The following MDGA2 variants were observed in gnomAD, a reference collection of about 807,000 sequenced individuals.
MDGA2 encodes the protein MAM domain containing glycosylphosphatidylinositol anchor 2.
A neutral mutation model predicts 117.8 loss-of-function variants in MDGA2; 40 were observed. The observed-to-expected ratio is 0.34, with a 90% CI of 0.26 to 0.44. MDGA2 has a LOEUF of 0.44. Among genes scored for constraint, MDGA2 ranks in the 20% least tolerant of loss-of-function variants. MDGA2 has a pLI of 1.00. For missense variants in MDGA2, 1,123 were observed against 1,250.6 expected (o/e 0.90, Z 1.54); for synonymous variants, 452 against 439.0 (o/e 1.03, Z -0.37).
intron 8 of MDGA2, among the ~76,000 whole-genome samples, chr14:46,992,392 G>C (rs1461559813): frequency 5.9e-5 from 9 of 152,008 alleles, no homozygotes; most frequent in Admixed American, 5.3e-4. Flanking sequence ...CCATTCAAGT[G>C]ATTAGTTAAG....
intron 1 of MDGA2, among the ~76,000 whole-genome samples, chr14:47,418,901 T>C (rs7152765): frequency 0.65 from 98,174 of 151,994 alleles, 31,867 homozygotes; most frequent in Middle Eastern, 0.74. Flanking sequence ...GATACTACTA[T>C]AAGTACTCTA....
intron 12 of MDGA2, among the ~76,000 whole-genome samples, chr14:46,875,505 A>G (rs1027141535): frequency 6.6e-5 from 10 of 151,722 alleles, no homozygotes; most frequent in African/African-American, 2.4e-4. Context: ...AAATAACTCA[A>G]TAAATTTCTG....
chr14:47,612,209 CAGATAGAT>C lies in MDGA2; in HGVS notation c.280+62300_280+62307del, dbSNP rs3985115. Among the ~76,000 whole-genome samples the C allele has an allele frequency of 6.2e-3, 900 of 145,806 alleles. 4 individuals carry two copies. The highest frequency in any genetic ancestry group is 0.013 in the Admixed American group (183 of 14,374). ...CAAATGTGATAGATAGATAGATAGA[CAGATAGAT>C]AGATAGATAGATAGATAGATAGATA... On this transcript the variant is annotated intron_variant, in intron 1 of 16. Coordinates refer to ENST00000399232, the MANE Select transcript of MDGA2 (RefSeq NM_001113498.3).
intron 9 of MDGA2, among the ~76,000 whole-genome samples, chr14:46,936,244 A>T (rs1884776846): frequency 6.6e-6 from 1 of 152,124 alleles, no homozygotes; most frequent in African/African-American, 2.4e-5. Context: ...CCAGCCCATA[A>T]GATAGGGGCA....
At chr14:47,238,566 G>T (rs1886940947) in intron 2 of MDGA2, among the ~76,000 whole-genome samples, 1 of 151,114 alleles carries the variant, frequency 6.6e-6, no homozygotes, top group Non-Finnish European at 1.5e-5. Flanking sequence ...TACCTATTTA[G>T]GAATAATAAA....
chr14:47,033,176 C>G (rs1888723244), intron 8 of MDGA2, among the ~76,000 whole-genome samples: 1 of 151,998 alleles, frequency 6.6e-6, no homozygotes, highest in African/African-American at 2.4e-5. Context: ...TTCTAGCGGA[C>G]TAATTAAGAA....
intron 1 of MDGA2, among the ~76,000 whole-genome samples, chr14:47,657,075 T>C (rs984932914): frequency 4.6e-5 from 7 of 152,072 alleles, no homozygotes; most frequent in Non-Finnish European, 1.0e-4. Context: ...AAGTATCACA[T>C]ATGTCAGTGA....
chr14:47,010,582 A>C (rs1314821677), intron 8 of MDGA2, among the ~76,000 whole-genome samples: 2 of 151,964 alleles, frequency 1.3e-5, no homozygotes, highest in Non-Finnish European at 2.9e-5. Flanking sequence ...CCCACTTTAA[A>C]TATTTGGTGG....
intron 8 of MDGA2, among the ~76,000 whole-genome samples, chr14:47,019,172 T>C (rs1888194924): frequency 2.0e-5 from 3 of 152,176 alleles, no homozygotes. Flanking sequence ...AAAAATAGTT[T>C]CATTACCTTG....
At chr14:47,080,686 C>T (rs146237393) in intron 6 of MDGA2, among the ~76,000 whole-genome samples, 24 of 152,272 alleles carry the variant, frequency 1.6e-4, no homozygotes, top group African/African-American at 5.3e-4. Flanking sequence ...TTCCATACCA[C>T]GTCAAAGCGC....
intron 7 of MDGA2, among the ~76,000 whole-genome samples, chr14:47,051,749 T>G (rs567538425): frequency 1.3e-5 from 2 of 152,010 alleles, no homozygotes; most frequent in East Asian, 3.9e-4. Context: ...CACTACCACA[T>G]AGAAGAAAAT....
At chr14:47,416,338 G>A (rs1204156399) in intron 1 of MDGA2, among the ~76,000 whole-genome samples, 1 of 152,174 alleles carries the variant, frequency 6.6e-6, no homozygotes, top group African/African-American at 2.4e-5. Flanking sequence ...CAGGTCCTGA[G>A]TGAGTCCAAA....
intron 10 of MDGA2, among the ~76,000 whole-genome samples, chr14:46,908,343 A>T (rs1467535970): frequency 6.6e-6 from 1 of 152,130 alleles, no homozygotes; most frequent in Non-Finnish European, 1.5e-5. Flanking sequence ...CTTTTGTGGC[A>T]CTCTAACCCT....
In MDGA2 at chr14:47,203,119, T is replaced by G. The variant is rs151194614; in HGVS notation, c.595+14902A>C. On this transcript the variant is annotated intron_variant, in intron 3 of 16. Coordinates refer to ENST00000399232, the MANE Select transcript of MDGA2 (RefSeq NM_001113498.3). ...CCTATCACGAACACCACCTGGGCAC[T>G]CTGCAGTAACAGGAATCCAGGTATT... is the stretch of plus-strand genomic sequence containing the variant. Among the ~76,000 whole-genome samples, 350 of 152,086 alleles carry G rather than the reference T, an allele frequency of 2.3e-3. 5 individuals carry two copies. Among genetic ancestry groups the G allele is most frequent in the African/African-American group, 7.9e-3 (328 of 41,534 alleles).
At chr14:47,361,101 T>C (rs904913826) in intron 1 of MDGA2, among the ~76,000 whole-genome samples, 5 of 151,990 alleles carry the variant, frequency 3.3e-5, no homozygotes, top group African/African-American at 1.2e-4. Flanking sequence ...AAAAATTGTA[T>C]AATAACTATG....
At chr14:46,898,652 T>G (rs1222589514) in intron 10 of MDGA2, among the ~76,000 whole-genome samples, 2 of 152,090 alleles carry the variant, frequency 1.3e-5, no homozygotes, top group African/African-American at 4.8e-5. Context: ...ATTATGGCAA[T>G]CACATATTGT....
chr14:47,605,137 T>C (rs1320313804), intron 1 of MDGA2, among the ~76,000 whole-genome samples: 1 of 152,290 alleles, frequency 6.6e-6, no homozygotes, highest in East Asian at 1.9e-4. Context: ...CTACAGACAT[T>C]TGTCTAGTCA....
At chr14:47,291,596 C>T (rs1213242758) in intron 2 of MDGA2, among the ~76,000 whole-genome samples, 3 of 152,148 alleles carry the variant, frequency 2.0e-5, no homozygotes, top group African/African-American at 7.2e-5. Flanking sequence ...CTTACATTAG[C>T]CCACAGTTAG....
Position 47,242,549 on chromosome 14 carries a change from T to C in MDGA2, c.421-24354A>G, listed in dbSNP as rs568957262. ...CCCCGCACTTGGAGCAGCCAGCCAGTCCTGCTGGCCCCGGGCAATGGGGGA... is the reference window on the plus strand; with the variant it reads ...CCCCGCACTTGGAGCAGCCAGCCAGCCCTGCTGGCCCCGGGCAATGGGGGA... On this transcript the variant is annotated intron_variant, in intron 2 of 16. Coordinates refer to ENST00000399232, the MANE Select transcript of MDGA2 (RefSeq NM_001113498.3). Among the ~76,000 whole-genome samples the C allele has an allele frequency of 6.7e-4, 102 of 151,910 alleles. 2 individuals are homozygous for C. The highest frequency in any genetic ancestry group is 6.6e-3 in the East Asian group (34 of 5,154).
Sources: allele counts gnomAD v4.1 joint callset (sites outside exome capture counted in the v4.1 genomes callset), GRCh38; gene constraint gnomAD v4.1.1; transcripts MANE v1.5; gene names NCBI Gene and HGNC (gene_info 2026-07-23, HGNC 2026-07-21).